Variants in MIER2 observed in about 807,000 individuals in gnomAD.
The protein encoded by MIER2 is mesoderm induction early response protein 2.
In MIER2, 30 loss-of-function variants were observed where a neutral mutation model predicts 67.6. The ratio of observed to expected loss-of-function variants is 0.44; its 90% CI spans 0.33 to 0.60. The LOEUF is 0.60. Ranked by LOEUF, MIER2 falls within the 20% of genes least tolerant of loss-of-function variation. The pLI, the probability that MIER2 is intolerant of heterozygous loss-of-function variation, is 0.02. For missense variants in MIER2, 702 were observed against 745.1 expected (o/e 0.94, Z 0.67); for synonymous variants, 372 against 312.6 (o/e 1.19, Z -2.00).
Position 307,551 on chromosome 19 carries a change from G to T in MIER2, c.1199-15C>A, listed in dbSNP as rs192200796. On this transcript the variant is annotated splice_polypyrimidine_tract_variant and intron_variant, in intron 12 of 13. Coordinates refer to ENST00000264819, the MANE Select transcript of MIER2 (RefSeq NM_017550.3). ...GCTCAGTGGATCTGTGAAAGAGAAC[G>T]CAACAGAGGGTGGGGCCTGCCCACA... The T allele has an allele frequency of 1.3e-6, 2 of 1,493,162 alleles. No homozygotes were observed. The highest frequency in any genetic ancestry group is 4.6e-5 in the Admixed American group (2 of 43,136). 92.5% of individuals were successfully genotyped at this position (1,493,162 alleles called of 1,614,324 possible). A position where few individuals can be genotyped will look rare whatever the true frequency, so the allele number is the denominator to read the frequency against.
At chr19:330,569 A>G (rs1011003519) in intron 3 of MIER2, among the ~76,000 whole-genome samples, 1 of 151,846 alleles carries the variant, frequency 6.6e-6, no homozygotes, top group Non-Finnish European at 1.5e-5. Flanking sequence ...AAAAAAAAAA[A>G]AAAACTTATG....
At position 308,962 on chromosome 19, in the gene MIER2, C is replaced by A; in HGVS notation, c.985-37G>T. ...GGTCAGGAGCCATCTCTGTCCCCGGCTGCCCAGCCCCAGCACCTGCACCAC... is the reference window on the plus strand; with the variant it reads ...GGTCAGGAGCCATCTCTGTCCCCGGATGCCCAGCCCCAGCACCTGCACCAC... On this transcript the variant is annotated intron_variant, in intron 10 of 13. Transcript: ENST00000264819. This position sits in a 1 kb window ranked among gnomAD's most constrained non-coding sequence, Gnocchi z 9.1. 2.5e-6 allele frequency: 4 copies of A among 1,580,670 alleles called. No homozygotes were observed. Among genetic ancestry groups the A allele is most frequent in the South Asian group, 2.2e-5 (2 of 88,972 alleles).
intron 1 of MIER2, among the ~76,000 whole-genome samples, chr19:337,870 C>A (rs1211038674): frequency 0.047 from 1,735 of 36,796 alleles, no homozygotes; most frequent in Middle Eastern, 0.14. Flanking sequence ...CTCCATCTCA[C>A]AAAAAAAAAA....
intron 1 of MIER2, chr19:343,711 A>C (rs1314017766): frequency 2.2e-6 from 1 of 458,440 alleles, no homozygotes; most frequent in African/African-American, 2.1e-5. Context: ...AGATAGGATC[A>C]GCTCTTGAGT....
rs1600107978 is a variant in MIER2 at position 308,970 on chromosome 19, C to A, written c.985-45G>T. 2 of 1,576,394 alleles carry A rather than the reference C, an allele frequency of 1.3e-6. No individual in the cohort carries two copies. The highest frequency in any genetic ancestry group is 8.7e-7 in the Non-Finnish European group (1 of 1,154,912). ...GCCATCTCTGTCCCCGGCTGCCCAG[C>A]CCCAGCACCTGCACCACGATCCCAG... On this transcript the variant is annotated intron_variant, in intron 10 of 13. Coordinates refer to ENST00000264819, the MANE Select transcript of MIER2 (RefSeq NM_017550.3). This position sits in a 1 kb window ranked among gnomAD's most constrained non-coding sequence, Gnocchi z 9.1.
At chr19:307,060 A>T in intron 13 of MIER2, 59 bp downstream of exon 13, 1 of 1,508,302 alleles carries the variant, frequency 6.6e-7, no homozygotes, top group Non-Finnish European at 8.9e-7. Context: ...GCTCAGCCTG[A>T]GGGCTGGGGG....
rs530358536 is a variant in MIER2, at chr19:311,932, G to A, written c.897C>T (p.Leu299=). ...RFNVKVIRDG[L]CAWSEEECRN... ...TGCACTCCTCTTCACTCCAAGCACAGAGCCCATCTGCAAACACGGCCGGGG... is the reference window on the plus strand; with the variant it reads ...TGCACTCCTCTTCACTCCAAGCACAAAGCCCATCTGCAAACACGGCCGGGG... The change falls in exon 10 of 14, where the codon CTC becomes CTT. Residue 299 remains leucine, a synonymous_variant. Coordinates refer to ENST00000264819, the MANE Select transcript of MIER2 (RefSeq NM_017550.3). The A allele has an allele frequency of 5.6e-6, 9 of 1,613,960 alleles. No homozygotes were observed. The South Asian group carries it at 8.8e-5, about 16-fold the overall frequency.
rs1972622627 is a variant in MIER2, at chr19:343,955, T to TTA, written c.9+818_9+819insTA. 5.1e-6 allele frequency: 5 copies of TTA among 985,432 alleles called. No individual in the cohort carries two copies. The South Asian group carries it at 2.3e-4, about 46-fold the overall frequency. 61.0% of individuals were successfully genotyped at this position (985,432 alleles called of 1,614,324 possible). A position where few individuals can be genotyped will look rare whatever the true frequency, so the allele number is the denominator to read the frequency against. ...CCTGACACGAAGCTATCTGTTGTCT[T>TTA]ATCCTAGACAGTCCTAGGTGGGTTT... On this transcript the variant is annotated intron_variant, in intron 1 of 13. Transcript: ENST00000264819.
rs1434769971 is a variant in MIER2, at chr19:308,185, TGCAAGATCCTGGCGAC to T, written c.1198+376_1198+391del. Among the ~76,000 whole-genome samples, 2 of 152,084 alleles carry T rather than the reference TGCAAGATCCTGGCGAC, an allele frequency of 1.3e-5. No homozygotes were observed. The highest frequency in any genetic ancestry group is 2.9e-5 in the Non-Finnish European group (2 of 67,984). ...TGCTGTGCTCCGTCATGGCCTCAGG[TGCAAGATCCTGGCGAC>T]GGCTCCGGACACCCTGTCCTTCCTG... On this transcript the variant is annotated intron_variant, in intron 12 of 13. Transcript: ENST00000264819. This position sits in a 1 kb window ranked among gnomAD's most constrained non-coding sequence, Gnocchi z 9.1.
chr19:334,527 G>C lies in MIER2; in HGVS notation c.116C>G (p.Ser39Cys). 6.2e-7 allele frequency: 1 copy of C among 1,613,992 alleles called. No individual in the cohort carries two copies. Among genetic ancestry groups the C allele is most frequent in the East Asian group, 2.2e-5 (1 of 44,876 alleles). Residue 39 changes from serine (S) to cysteine (C), a missense_variant, in exon 3 of 14, where the codon TCT becomes TGT. Transcript: ENST00000264819. ...TGCGAGGTTGAACTGATGGTCTCCA[G>C]AGCCCATGGACACCACTGGGGAGAA... ...LQTTAVVSMG[S>C]GDHQFNLAEI...
chr19:343,080 C>A (rs901386589), intron 1 of MIER2, among the ~76,000 whole-genome samples: 5 of 152,176 alleles, frequency 3.3e-5, no homozygotes, highest in African/African-American at 1.2e-4. Context: ...GAGGACAGAG[C>A]GGGACCTCCT....
intron 3 of MIER2, among the ~76,000 whole-genome samples, chr19:333,849 C>T (rs140925771): frequency 0.11 from 16,802 of 151,372 alleles, 1,141 homozygotes; most frequent in African/African-American, 0.17. Flanking sequence ...CCACTATGCC[C>T]GGCTAATTTT....
chr19:327,099 G>A, intron 5 of MIER2, 34 bp downstream of exon 5: 1 of 1,559,210 alleles, frequency 6.4e-7, no homozygotes, highest in South Asian at 1.2e-5. Context: ...CAGGGGGCCT[G>A]GCTGCGGTGG....
chr19:330,848 T>A (rs911061913), intron 3 of MIER2, among the ~76,000 whole-genome samples: 1 of 152,198 alleles, frequency 6.6e-6, no homozygotes, highest in African/African-American at 2.4e-5. Context: ...TTCTGCCTCT[T>A]GACCTGTGAG....
In MIER2 at chr19:310,189, G is replaced by C. The variant is rs539966027; in HGVS notation, c.985-1264C>G. ...AGGCTCATCCCACAGAGAGCTTGAG[G>C]CTGTGGCCACTGCTGGTGATGGCGG... is the stretch of plus-strand genomic sequence containing the variant. On this transcript the variant is annotated intron_variant, in intron 10 of 13. Coordinates refer to ENST00000264819, the MANE Select transcript of MIER2 (RefSeq NM_017550.3). 4.4e-3 allele frequency among the ~76,000 whole-genome samples: 665 copies of C among 152,344 alleles called. 3 individuals carry two copies. The highest frequency in any genetic ancestry group is 9.6e-3 in the Admixed American group (147 of 15,306).
Position 312,181 on chromosome 19 carries a change from C to A in MIER2, c.889+10G>T, listed in dbSNP as rs147410345. 1.3e-6 allele frequency: 2 copies of A among 1,590,350 alleles called. No individual in the cohort carries two copies. The highest frequency in any genetic ancestry group is 1.7e-6 in the Non-Finnish European group (2 of 1,176,908). ...GCCGCAGCGGAAGGAAGGCCCAGAC[C>A]GCTGCTCACCTCGGATCACCTTCAC... On this transcript the variant is annotated intron_variant, in intron 9 of 13. Coordinates refer to ENST00000264819, the MANE Select transcript of MIER2 (RefSeq NM_017550.3).
At chr19:316,556 C>T (rs1201735698) in intron 7 of MIER2, among the ~76,000 whole-genome samples, 2 of 152,194 alleles carry the variant, frequency 1.3e-5, no homozygotes, top group African/African-American at 4.8e-5. Flanking sequence ...TCCCAAAGTG[C>T]TCGGATTATA....
At position 307,884 on chromosome 19, in the gene MIER2, G is replaced by A. The variant is rs770865905; in HGVS notation, c.1199-348C>T. Among the ~76,000 whole-genome samples, 803 of 148,174 alleles carry A rather than the reference G, an allele frequency of 5.4e-3. 8 individuals are homozygous for A. Among genetic ancestry groups the A allele is most frequent in the African/African-American group, 0.018 (739 of 40,690 alleles). ...CTTAGGTGTAAACAATGCCGGGGGC[G>A]CTGCGAGGGCTAATACAGGGTCTTT... On this transcript the variant is annotated intron_variant, in intron 12 of 13. Coordinates refer to ENST00000264819, the MANE Select transcript of MIER2 (RefSeq NM_017550.3).
At chr19:318,057 A>G (rs1195373781) in intron 7 of MIER2, among the ~76,000 whole-genome samples, 1 of 152,018 alleles carries the variant, frequency 6.6e-6, no homozygotes, top group Non-Finnish European at 1.5e-5. Flanking sequence ...TACAAAACTT[A>G]GCTGGGCATG....
Sources: allele counts gnomAD v4.1 joint callset (sites outside exome capture counted in the v4.1 genomes callset), GRCh38; gene constraint gnomAD v4.1.1; non-coding constraint Gnocchi (gnomAD v3.1); transcripts MANE v1.5; gene names NCBI Gene and HGNC (gene_info 2026-07-23, HGNC 2026-07-21).